AARS1: variants seen among roughly 807,000 people sequenced by gnomAD.
The protein encoded by AARS1 is alanine--tRNA ligase, cytoplasmic.
In AARS1, 72 loss-of-function variants were observed where a neutral mutation model predicts 108.9. The observed-to-expected ratio is 0.66, with a 90% CI of 0.55 to 0.80. The LOEUF (loss-of-function observed/expected upper bound fraction) is 0.80. Ranked by LOEUF, AARS1 falls within the 30% of genes least tolerant of loss-of-function variation. The pLI, the probability that AARS1 is intolerant of heterozygous loss-of-function variation, is 0.00. For missense variants in AARS1, 1,193 were observed against 1,233.2 expected (o/e 0.97, Z 0.49); for synonymous variants, 489 against 465.7 (o/e 1.05, Z -0.64).
intron 2 of AARS1, among the ~76,000 whole-genome samples, chr16:70,280,523 T>G (rs1303088806): frequency 1.3e-5 from 2 of 152,160 alleles, no homozygotes; most frequent in Non-Finnish European, 2.9e-5. Context: ...CCCCATTGTT[T>G]CTAACTTTCC....
At chr16:70,269,071 C>A (rs1960330278) in intron 7 of AARS1, among the ~76,000 whole-genome samples, 1 of 152,130 alleles carries the variant, frequency 6.6e-6, no homozygotes, top group African/African-American at 2.4e-5. Flanking sequence ...CGCCTGTAAT[C>A]CCAGCACTGT....
intron 4 of AARS1, 139 bp from the exon 5 acceptor site, chr16:70,272,111 G>C: frequency 1.3e-6 from 1 of 747,634 alleles, no homozygotes; most frequent in Non-Finnish European, 2.2e-6. Context: ...AGACAACAGA[G>C]CGAGACTCTG....
At chr16:70,268,694 G>C (rs961605543) in intron 7 of AARS1, among the ~76,000 whole-genome samples, 1 of 152,144 alleles carries the variant, frequency 6.6e-6, no homozygotes, top group Non-Finnish European at 1.5e-5. Context: ...CAGTAAGAGA[G>C]ATTCCCAGGG....
rs1064795664 is a variant in AARS1, at chr16:70,268,357, G to A, written c.985C>T (p.Arg329Cys). The change falls in exon 8 of 21, where the codon CGC becomes TGC. Residue 329 changes from arginine to cysteine, a missense_variant. Arg to Cys is a radical substitution (Grantham distance 180, BLOSUM62 -3). Transcript: ENST00000261772. The stretch of plus-strand genomic sequence containing the variant: ...TCATGGGCGTATCGGACAGCTCGGC[G>A]GAGAATCCGTCTCAACACATATCTG... ...GRGYVLRRIL[R>C]RAVRYAHEKL... The A allele has an allele frequency of 2.5e-6, 4 of 1,614,112 alleles. No individual in the cohort carries two copies. The highest frequency in any genetic ancestry group is 2.5e-6 in the Non-Finnish European group (3 of 1,179,984).
Position 70,282,730 on chromosome 16 carries a change from G to A in AARS1, c.34C>T (p.Gln12Ter), listed in dbSNP as rs767696838. 2 of 1,614,074 alleles carry A rather than the reference G, an allele frequency of 1.2e-6. No homozygotes were observed. Among genetic ancestry groups the A allele is most frequent in the Admixed American group, 3.3e-5 (2 of 59,974 alleles). The change falls in exon 2 of 21, where the codon CAG (glutamine) becomes TAG (stop). Residue 12 changes from glutamine (Q) to a stop codon, truncating the protein, a stop_gained. Transcript: ENST00000261772. LOFTEE classifies it high-confidence loss of function. ...CTCTTGAAGAAATCTATAAATCGCT[G>A]CCGGATTTCACTTGCTGTTAGAGTA... ...DSTLTASEIR[Q>*]RFIDFFKRNE...
chr16:70,266,140 T>C (rs886418103), intron 9 of AARS1, among the ~76,000 whole-genome samples: 1 of 151,984 alleles, frequency 6.6e-6, no homozygotes, highest in Non-Finnish European at 1.5e-5. Flanking sequence ...GGTGAAACCC[T>C]GTCTCTACTA....
intron 1 of AARS1, among the ~76,000 whole-genome samples, chr16:70,288,540 CCAG>C (rs1055747593): frequency 6.6e-6 from 1 of 151,632 alleles, no homozygotes; most frequent in Non-Finnish European, 1.5e-5. Flanking sequence ...CAGTTCCATC[CCAG>C]CAGCAACGAC....
chr16:70,279,471 C>T (rs1035104738), intron 2 of AARS1, among the ~76,000 whole-genome samples: 1 of 151,120 alleles, frequency 6.6e-6, no homozygotes, highest in Non-Finnish European at 1.5e-5. Context: ...ACCAGCCTGG[C>T]CAACGTGGCG....
chr16:70,261,143 T>C lies in AARS1; in HGVS notation c.1686A>G (p.Thr562=). The change falls in exon 13 of 21, where the codon ACA becomes ACG. Residue 562 remains threonine (T), a synonymous_variant. Transcript: ENST00000261772. The part of the protein sequence containing the change: ...DDSSEDKTEF[T]VKNAQVRGGY... ...CTCCTCGGACCTGAGCATTCTTCAC[T>C]GTAAACTCTGTTTTCTAAGAGGGGT... 1.2e-6 allele frequency: 2 copies of C among 1,613,304 alleles called. No homozygotes were observed. The highest frequency in any genetic ancestry group is 1.7e-6 in the Non-Finnish European group (2 of 1,179,386).
chr16:70,275,480 T>C (rs1165825281), intron 4 of AARS1, among the ~76,000 whole-genome samples: 1 of 108,462 alleles, frequency 9.2e-6, no homozygotes, highest in Non-Finnish European at 1.9e-5. Context: ...AAAAAACAAT[T>C]GGCCGGGCAT....
chr16:70,258,885 T>G, intron 14 of AARS1, 95 bp downstream of exon 14: 1 of 1,391,350 alleles, frequency 7.2e-7, no homozygotes, highest in Non-Finnish European at 1.0e-6. Flanking sequence ...GCAGGACGAA[T>G]CTGATACAAC....
intron 4 of AARS1, among the ~76,000 whole-genome samples, chr16:70,273,930 G>A (rs775233086): frequency 2.7e-5 from 4 of 150,566 alleles, no homozygotes; most frequent in African/African-American, 9.8e-5. Flanking sequence ...CTAGTTACTC[G>A]GGAGGCTGAG....
chr16:70,258,636 G>A (rs1054847664), intron 14 of AARS1, among the ~76,000 whole-genome samples: 1 of 152,034 alleles, frequency 6.6e-6, no homozygotes, highest in African/African-American at 2.4e-5. Context: ...CGCAATCTCG[G>A]CTCACTGCAA....
chr16:70,253,427 C>T, intron 19 of AARS1, 46 bp from the exon 20 acceptor site: 1 of 1,476,508 alleles, frequency 6.8e-7, no homozygotes, highest in Non-Finnish European at 9.5e-7. Context: ...AGCAGGGACC[C>T]TCACTAGTGT....
At chr16:70,276,700 T>C in intron 3 of AARS1, 69 bp from the exon 4 acceptor site, 1 of 1,518,354 alleles carries the variant, frequency 6.6e-7, no homozygotes, top group Non-Finnish European at 9.1e-7. Flanking sequence ...TGAGACCAGA[T>C]GCTAGGAACA....
chr16:70,271,303 C>T (rs1019737849), intron 5 of AARS1, among the ~76,000 whole-genome samples: 2 of 151,664 alleles, frequency 1.3e-5, no homozygotes, highest in African/African-American at 4.8e-5. Flanking sequence ...CTGAGGCGGG[C>T]GGATCACCTG....
chr16:70,289,319 C>A, intron 1 of AARS1, 102 bp downstream of exon 1: 1 of 350,564 alleles, frequency 2.9e-6, no homozygotes, highest in Non-Finnish European at 5.6e-6. Context: ...CCAGGCCACG[C>A]GGGGCCTGAT....
At chr16:70,257,460 T>C (rs1960019106) in intron 15 of AARS1, among the ~76,000 whole-genome samples, 1 of 152,126 alleles carries the variant, frequency 6.6e-6, no homozygotes, top group Non-Finnish European at 1.5e-5. Context: ...CAAGGCTTCA[T>C]TTGGAAGCAG....
chr16:70,284,107 C>G (rs989629709), intron 1 of AARS1, among the ~76,000 whole-genome samples: 1 of 151,388 alleles, frequency 6.6e-6, no homozygotes, highest in African/African-American at 2.4e-5. Context: ...CCAGAACATC[C>G]TGGCTAACAT....
Sources: gnomAD v4.1 joint callset for allele counts (sites outside exome capture counted in the v4.1 genomes callset) on GRCh38, gnomAD v4.1.1 for gene constraint, MANE v1.5 for transcripts, NCBI Gene and HGNC (gene_info 2026-07-23, HGNC 2026-07-21) for gene names.